ZNF564: variants seen among roughly 807,000 people sequenced by gnomAD.
The protein encoded by ZNF564 is zinc finger protein 564.
A neutral mutation model predicts 10.5 loss-of-function variants in ZNF564; 5 were observed. The observed-to-expected ratio is 0.48, with a 90% CI of 0.25 to 1.00. ZNF564 has a LOEUF of 1.00. Among genes scored for constraint, ZNF564 ranks in the 50% least tolerant of loss-of-function variants. The pLI is 0.16. For synonymous variants in ZNF564, 242 were observed against 218.1 expected, an observed-to-expected ratio of 1.11 and a Z score of -0.97; for missense variants, 603 against 669.7, an observed-to-expected ratio of 0.90 and a Z score of 1.10.
rs1251124163 is a variant in ZNF564, at chr19:12,527,887, C to T, written c.221G>A (p.Ser74Asn). ...TTCTCCACATTGATCATATTCTTTA[C>T]TTTCACTGAGTCCCTCTTCCATATG... ...RNHMEEGLSESKEYDQCGEAF... is the reference protein window; with the variant it reads ...RNHMEEGLSENKEYDQCGEAF... Residue 74 changes from serine (S) to asparagine (N), a missense_variant, in exon 4 of 4, where the codon AGT (serine) becomes AAT (asparagine). By Grantham distance (46) the Ser-to-Asn change is conservative. Transcript: ENST00000339282. 5.6e-6 allele frequency: 9 copies of T among 1,608,414 alleles called. No homozygotes were observed. Among genetic ancestry groups the T allele is most frequent in the East Asian group, 2.2e-5 (1 of 44,820 alleles).
At chr19:12,542,003 G>T (rs550430510) in intron 1 of ZNF564, among the ~76,000 whole-genome samples, 1 of 108,762 alleles carries the variant, frequency 9.2e-6, no homozygotes, top group South Asian at 3.1e-4. Flanking sequence ...GTGACAGAGC[G>T]AGACTCTGTC....
intron 1 of ZNF564, among the ~76,000 whole-genome samples, chr19:12,531,170 T>C (rs1020964049): frequency 2.0e-5 from 3 of 152,172 alleles, no homozygotes; most frequent in African/African-American, 4.8e-5. Flanking sequence ...TCTCCAAATG[T>C]AGCAGGAATA....
chr19:12,548,947 A>C (rs1245189485), intron 1 of ZNF564: 2 of 692,748 alleles, frequency 2.9e-6, no homozygotes, highest in Non-Finnish European at 5.3e-6. Context: ...GCCATAATGG[A>C]AGACTGAATT....
chr19:12,531,098 C>G (rs2021790281), intron 1 of ZNF564, among the ~76,000 whole-genome samples: 1 of 152,040 alleles, frequency 6.6e-6, no homozygotes, highest in South Asian at 2.1e-4. Flanking sequence ...TAGCCTCTTA[C>G]AAAATATTTT....
intron 1 of ZNF564, among the ~76,000 whole-genome samples, chr19:12,542,056 G>A (rs1001867346): frequency 6.7e-6 from 1 of 150,024 alleles, no homozygotes; most frequent in African/African-American, 2.5e-5. Flanking sequence ...TCTTGGCAGG[G>A]CATGGTGGCT....
intron 1 of ZNF564, among the ~76,000 whole-genome samples, chr19:12,530,436 C>T (rs186059860): frequency 1.1e-4 from 16 of 152,250 alleles, no homozygotes; most frequent in African/African-American, 3.8e-4. Flanking sequence ...CAGTTTCCCA[C>T]CTATTTTTAC....
At chr19:12,549,403 G>A (rs1011520301) in intron 1 of ZNF564, among the ~76,000 whole-genome samples, 6 of 152,036 alleles carry the variant, frequency 3.9e-5, no homozygotes, top group African/African-American at 1.4e-4. Flanking sequence ...CTCACTGAGT[G>A]CTCAGTGACC....
chr19:12,526,336 T>G lies in ZNF564; in HGVS notation c.*110A>C. On this transcript the variant is annotated 3_prime_UTR_variant, in exon 4 of 4. Coordinates refer to ENST00000339282, the MANE Select transcript of ZNF564 (RefSeq NM_144976.4). ...AGGATAGAGATTCCTATTCCAAAAG[T>G]GAGAAACAGGAGAAAGGGGTGAGCT... 1.7e-6 allele frequency: 2 copies of G among 1,148,926 alleles called. No individual in the cohort carries two copies. Among genetic ancestry groups the G allele is most frequent in the Non-Finnish European group, 2.4e-6 (2 of 817,714 alleles). The allele number at this position is 1,148,926 out of a possible 1,614,324, so 71.2% of individuals were successfully genotyped here.
intron 1 of ZNF564, among the ~76,000 whole-genome samples, chr19:12,546,228 T>A (rs1347867371): frequency 1.3e-5 from 2 of 152,082 alleles, no homozygotes; most frequent in East Asian, 3.8e-4. Flanking sequence ...TTTGCAGAAA[T>A]TACACTCTGA....
At chr19:12,532,318 G>A (rs994333904) in intron 1 of ZNF564, among the ~76,000 whole-genome samples, 3 of 151,214 alleles carry the variant, frequency 2.0e-5, no homozygotes, top group Non-Finnish European at 2.9e-5. Flanking sequence ...GGCGGATCAC[G>A]AGGTCAGGAG....
At chr19:12,539,772 A>G (rs898974787) in intron 1 of ZNF564, among the ~76,000 whole-genome samples, 12 of 151,200 alleles carry the variant, frequency 7.9e-5, no homozygotes, top group Non-Finnish European at 1.5e-4. Context: ...TCAGGAGATA[A>G]AGACCATCCT....
chr19:12,548,665 CATGAAAAGCACA>C (rs2022197647), intron 1 of ZNF564: 1 of 618,194 alleles, frequency 1.6e-6, no homozygotes, highest in Non-Finnish European at 2.9e-6. Flanking sequence ...ATAGCTTAAA[CATGAAAAGCACA>C]TTTATCTATC....
At chr19:12,541,244 C>A (rs1208487117) in intron 1 of ZNF564, among the ~76,000 whole-genome samples, 1 of 151,910 alleles carries the variant, frequency 6.6e-6, no homozygotes, top group Non-Finnish European at 1.5e-5. Flanking sequence ...GGGGTTAAGA[C>A]CCTGCCTCAA....
intron 1 of ZNF564, among the ~76,000 whole-genome samples, chr19:12,549,155 G>C (rs1343176440): frequency 6.6e-6 from 1 of 152,146 alleles, no homozygotes; most frequent in East Asian, 1.9e-4. Context: ...TCTACTTTCT[G>C]CCTCTTTCTC....
rs773367691 is a variant in ZNF564 at position 12,526,714 on chromosome 19, C to G, written c.1394G>C (p.Arg465Pro). ...TCCAGTATGAGTTCTTTCATGTGTT[C>G]GGACAGAACTAGGACAGTCAAAGGC... ...GKAFDCPSSV[R>P]THERTHTGEK... is the part of the protein sequence containing the mutation. The change falls in exon 4 of 4, where the codon CGA (arginine) becomes CCA (proline). Residue 465 changes from arginine (R) to proline (P), a missense_variant. Arg to Pro is a moderately radical substitution (Grantham distance 103, BLOSUM62 -2). Coordinates refer to ENST00000339282, the MANE Select transcript of ZNF564 (RefSeq NM_144976.4). The G allele has an allele frequency of 1.9e-6, 3 of 1,614,020 alleles. No individual in the cohort carries two copies. The highest frequency in any genetic ancestry group is 2.5e-6 in the Non-Finnish European group (3 of 1,180,050).
At chr19:12,531,856 C>G (rs2021807840) in intron 1 of ZNF564, among the ~76,000 whole-genome samples, 4 of 151,842 alleles carry the variant, frequency 2.6e-5, no homozygotes. Flanking sequence ...TGTCAATAGT[C>G]CAAATATAAT....
At chr19:12,547,055 T>C (rs569135352) in intron 1 of ZNF564, among the ~76,000 whole-genome samples, 59 of 152,234 alleles carry the variant, frequency 3.9e-4, no homozygotes, top group Non-Finnish European at 1.0e-4. Context: ...TTCCTCCCCA[T>C]GAATGAAAAA....
intron 1 of ZNF564, among the ~76,000 whole-genome samples, chr19:12,539,082 A>T (rs1414601521): frequency 6.7e-6 from 1 of 150,356 alleles, no homozygotes; most frequent in Non-Finnish European, 1.5e-5. Flanking sequence ...ATTCAAAAAA[A>T]AATTAGCTGG....
chr19:12,539,617 G>A (rs1046137670), intron 1 of ZNF564, among the ~76,000 whole-genome samples: 1 of 150,832 alleles, frequency 6.6e-6, no homozygotes, highest in African/African-American at 2.4e-5. Context: ...GCAGTGAGCC[G>A]AGATCGTGCC....
Sources: allele counts gnomAD v4.1 joint callset (sites outside exome capture counted in the v4.1 genomes callset), GRCh38; gene constraint gnomAD v4.1.1; transcripts MANE v1.5; gene names NCBI Gene and HGNC (gene_info 2026-07-23, HGNC 2026-07-21).